The following TMEM135 variants were observed in gnomAD, a reference collection of about 807,000 sequenced individuals.
The protein encoded by TMEM135 is transmembrane protein 135.
TMEM135 carries 30 observed loss-of-function variants against 60.3 expected under a neutral mutation model. That is an observed-to-expected ratio of 0.50 (90% CI 0.37 to 0.68). The LOEUF (loss-of-function observed/expected upper bound fraction) is 0.68. TMEM135 is among the 30% of genes least tolerant of loss of function. TMEM135 has a pLI of 0.00. For missense variants in TMEM135, 468 were observed against 548.8 expected (o/e 0.85, Z 1.47); for synonymous variants, 190 against 186.7 (o/e 1.02, Z -0.14).
rs537400742 is a variant in TMEM135, at chr11:87,042,489, T to G, written c.141+4303T>G. On this transcript the variant is annotated intron_variant, in intron 1 of 14. Coordinates refer to ENST00000305494, the MANE Select transcript of TMEM135 (RefSeq NM_022918.4). ...AGGTTTTGGTTTTTATGACCTGCCT[T>G]GGGGAAAATTCTAGTTTCTAAGGCT... Among the ~76,000 whole-genome samples, 11 of 152,278 alleles carry G rather than the reference T, an allele frequency of 7.2e-5. No individual in the cohort carries two copies. The South Asian group carries it at 2.3e-3, about 32-fold the overall frequency.
At chr11:87,195,159 A>G (rs866709472) in intron 5 of TMEM135, among the ~76,000 whole-genome samples, 11 of 152,306 alleles carry the variant, frequency 7.2e-5, no homozygotes, top group Middle Eastern at 3.4e-3. Context: ...CATCGAATGC[A>G]AATCCAACCA....
intron 14 of TMEM135, among the ~76,000 whole-genome samples, chr11:87,320,974 A>C (rs1250963952): frequency 6.6e-6 from 1 of 152,102 alleles, no homozygotes; most frequent in East Asian, 1.9e-4. Flanking sequence ...TCTGGGGATT[A>C]TCTCTTTAAT....
chr11:87,309,548 G>T lies in TMEM135; in HGVS notation c.812G>T (p.Cys271Phe). The change falls in exon 10 of 15, where the codon TGC becomes TTC. Residue 271 changes from cysteine to phenylalanine, a missense_variant. Cys to Phe is a radical substitution (Grantham distance 205, BLOSUM62 -2). Transcript: ENST00000305494. ...MFSVGYLIQC[C>F]LRIPSAFRHL... ...AGCGTGGGGTACTTGATCCAGTGCT[G>T]CCTCCGAATCCCTTCTGCATTTAGG... 1 of 1,613,830 alleles carries T rather than the reference G, an allele frequency of 6.2e-7. No individual in the cohort carries two copies. Among genetic ancestry groups the T allele is most frequent in the Non-Finnish European group, 8.5e-7 (1 of 1,179,808 alleles).
intron 4 of TMEM135, among the ~76,000 whole-genome samples, chr11:87,093,362 A>G (rs1857252798): frequency 6.6e-6 from 1 of 151,868 alleles, no homozygotes; most frequent in African/African-American, 2.4e-5. Context: ...ACAGGCATGT[A>G]CCACAATGTC....
chr11:87,267,176 T>G (rs1397268214), intron 6 of TMEM135, among the ~76,000 whole-genome samples: 1 of 152,218 alleles, frequency 6.6e-6, no homozygotes, highest in East Asian at 1.9e-4. Flanking sequence ...TAGTTATACA[T>G]TCATATAAAA....
chr11:87,067,607 A>G, intron 1 of TMEM135, 87 bp from the exon 2 acceptor site: 14 of 1,545,494 alleles, frequency 9.1e-6, no homozygotes, highest in Non-Finnish European at 1.2e-5. Context: ...TTATAAATAT[A>G]TGCTTTTATA....
At chr11:87,313,848 A>G (rs1942681739) in intron 11 of TMEM135, among the ~76,000 whole-genome samples, 2 of 151,858 alleles carry the variant, frequency 1.3e-5, no homozygotes, top group African/African-American at 2.4e-5. Context: ...CTGGAAAGTG[A>G]CCTATATTTT....
At chr11:87,265,473 TTTCTC>T (rs1012949930) in intron 6 of TMEM135, among the ~76,000 whole-genome samples, 1 of 151,996 alleles carries the variant, frequency 6.6e-6, no homozygotes, top group Non-Finnish European at 1.5e-5. Context: ...TCCTCAATGT[TTTCTC>T]TTCTCTTCTT....
chr11:87,229,400 A>G (rs1340787685), intron 5 of TMEM135, among the ~76,000 whole-genome samples: 1 of 152,146 alleles, frequency 6.6e-6, no homozygotes, highest in Non-Finnish European at 1.5e-5. Flanking sequence ...TAACTATAAT[A>G]TGAAATAATA....
intron 6 of TMEM135, among the ~76,000 whole-genome samples, chr11:87,279,284 G>C (rs969390782): frequency 2.0e-5 from 3 of 152,110 alleles, no homozygotes; most frequent in Non-Finnish European, 4.4e-5. Flanking sequence ...GGGAGATGGT[G>C]TGTCTACTTC....
chr11:87,267,817 C>T (rs1455220498), intron 6 of TMEM135, among the ~76,000 whole-genome samples: 2 of 151,920 alleles, frequency 1.3e-5, no homozygotes, highest in Non-Finnish European at 1.5e-5. Flanking sequence ...CTCAGCCTTC[C>T]GAGTAGCTGG....
At chr11:87,148,941 A>G (rs1393391843) in intron 4 of TMEM135, among the ~76,000 whole-genome samples, 1 of 152,044 alleles carries the variant, frequency 6.6e-6, no homozygotes, top group African/African-American at 2.4e-5. Flanking sequence ...GGTTGGAGTT[A>G]AATTCATATT....
chr11:87,306,779 C>G (rs1049840949), intron 9 of TMEM135, among the ~76,000 whole-genome samples: 4 of 152,012 alleles, frequency 2.6e-5, no homozygotes, highest in Non-Finnish European at 5.9e-5. Flanking sequence ...AGTGCAGTGG[C>G]ACTATCTCAG....
At chr11:87,144,250 G>A (rs1000693812) in intron 4 of TMEM135, among the ~76,000 whole-genome samples, 5 of 152,134 alleles carry the variant, frequency 3.3e-5, no homozygotes, top group Non-Finnish European at 7.4e-5. Flanking sequence ...CCTGATGAAT[G>A]CATGCCTATC....
At chr11:87,064,837 A>G (rs1381568827) in intron 1 of TMEM135, among the ~76,000 whole-genome samples, 1 of 152,164 alleles carries the variant, frequency 6.6e-6, no homozygotes, top group Non-Finnish European at 1.5e-5. Flanking sequence ...GTGAGTTGAG[A>G]TCATGCCATT....
intron 6 of TMEM135, among the ~76,000 whole-genome samples, chr11:87,286,911 G>C (rs983155159): frequency 6.6e-6 from 1 of 152,032 alleles, no homozygotes; most frequent in Non-Finnish European, 1.5e-5. Flanking sequence ...AGCATTTTCT[G>C]TTTTAATTAA....
chr11:87,198,099 CT>C (rs1348729778), intron 5 of TMEM135, among the ~76,000 whole-genome samples: 1 of 152,060 alleles, frequency 6.6e-6, no homozygotes, highest in Non-Finnish European at 1.5e-5. Context: ...GCCCTCTCTT[CT>C]TGTTATTTTT....
At chr11:87,120,952 G>T (rs530752321) in intron 4 of TMEM135, 1 of 152,246 alleles carries the variant, frequency 6.6e-6, no homozygotes, top group East Asian at 1.9e-4. Flanking sequence ...ATTGAATTAA[G>T]TGTTGGGGAA....
chr11:87,061,606 C>T (rs751270201), intron 1 of TMEM135, among the ~76,000 whole-genome samples: 4 of 152,178 alleles, frequency 2.6e-5, no homozygotes, highest in Non-Finnish European at 5.9e-5. Context: ...TGATCAAACT[C>T]GGAGGCTCAC....
Sources: gnomAD v4.1 joint callset for allele counts (sites outside exome capture counted in the v4.1 genomes callset) on GRCh38, gnomAD v4.1.1 for gene constraint, MANE v1.5 for transcripts, NCBI Gene and HGNC (gene_info 2026-07-23, HGNC 2026-07-21) for gene names.